ALDH1L1: variants seen among roughly 807,000 people sequenced by gnomAD.
ALDH1L1 encodes aldehyde dehydrogenase 1 family member L1.
A neutral mutation model predicts 101.1 loss-of-function variants in ALDH1L1; 68 were observed. The ratio of observed to expected loss-of-function variants is 0.67; its 90% CI spans 0.55 to 0.82. The LOEUF (loss-of-function observed/expected upper bound fraction) is 0.82, where lower values mean the gene tolerates loss of function less well. Among genes scored for constraint, ALDH1L1 ranks in the 40% least tolerant of loss-of-function variants. ALDH1L1 has a pLI of 0.00. For synonymous variants in ALDH1L1, 486 were observed against 470.8 expected (o/e 1.03, Z -0.42); for missense variants, 1,087 against 1,172.7 (o/e 0.93, Z 1.07).
chr3:126,176,070 A>T (rs7652469), intron 1 of ALDH1L1, among the ~76,000 whole-genome samples: 2,703 of 152,338 alleles, frequency 0.018, 83 homozygotes, highest in African/African-American at 0.062. Flanking sequence ...GAAATTTGAG[A>T]TTAAAAACAC....
At position 126,107,037 on chromosome 3, in the gene ALDH1L1, T is replaced by C. The variant is rs1945899944; in HGVS notation, c.2453+104A>G. The C allele has an allele frequency of 3.8e-6, 4 of 1,060,704 alleles. No individual in the cohort carries two copies. The Admixed American group carries it at 5.4e-5, about 14-fold the overall frequency. The allele number at this position is 1,060,704 out of a possible 1,614,324, so 65.7% of individuals were successfully genotyped here. ...TCCACGGCTTGCGCCCTGCCTGAGT[T>C]CTCCTCCTGACTGCCCGTAGACTAC... On this transcript the variant is annotated intron_variant, in intron 21 of 22. Transcript: ENST00000393434.
At chr3:126,132,939 C>T (rs2080345313) in intron 12 of ALDH1L1, among the ~76,000 whole-genome samples, 1 of 152,216 alleles carries the variant, frequency 6.6e-6, no homozygotes, top group South Asian at 2.1e-4. Context: ...GCGAGGCCAC[C>T]CTGGGCAAGG....
Position 126,115,348 on chromosome 3 carries a change from G to A in ALDH1L1, c.1983-692C>T, listed in dbSNP as rs573916668. 9.7e-5 allele frequency: 30 copies of A among 309,944 alleles called. No individual in the cohort carries two copies. In the East Asian group the frequency reaches 2.4e-3, roughly 25 times the overall value. 19.2% of individuals were successfully genotyped at this position (309,944 alleles called of 1,614,324 possible). A position where few individuals can be genotyped will look rare whatever the true frequency, so the allele number is the denominator to read the frequency against. ...TAGGAGGCTCCACTGGGGAGGAGAG[G>A]CCTCCTCTGCAGAAGCAACCCAGGG... On this transcript the variant is annotated intron_variant, in intron 17 of 22. Coordinates refer to ENST00000393434, the MANE Select transcript of ALDH1L1 (RefSeq NM_012190.4).
At chr3:126,119,574 G>A (rs2080039742) in intron 16 of ALDH1L1, among the ~76,000 whole-genome samples, 1 of 152,052 alleles carries the variant, frequency 6.6e-6, no homozygotes, top group Non-Finnish European at 1.5e-5. Context: ...GCCCAGGCAC[G>A]CCCATGAAGG....
rs540544091 is a variant in ALDH1L1 at position 126,116,924 on chromosome 3, G to A, written c.1982+1081C>T. On this transcript the variant is annotated intron_variant, in intron 17 of 22. Transcript: ENST00000393434. Reference sequence around the variant, plus strand: ...CAGTCAATTTGAGGCCAAAGTCCAAGGATGAAGACATGAGTTGACCTAGAT... The same window carrying A: ...CAGTCAATTTGAGGCCAAAGTCCAAAGATGAAGACATGAGTTGACCTAGAT... Among the ~76,000 whole-genome samples the A allele has an allele frequency of 2.6e-5, 4 of 152,298 alleles. No homozygotes were observed. The East Asian group carries it at 7.7e-4, about 29-fold the overall frequency.
chr3:126,161,675 T>C (rs1285705979), intron 1 of ALDH1L1, among the ~76,000 whole-genome samples: 1 of 152,244 alleles, frequency 6.6e-6, no homozygotes, highest in African/African-American at 2.4e-5. Flanking sequence ...GAACTATTAT[T>C]CACTTAATAC....
In ALDH1L1 at chr3:126,131,394, T is replaced by C. The variant is rs761101086; in HGVS notation, c.1613A>G (p.Asp538Gly). 11 of 1,603,300 alleles carry C rather than the reference T, an allele frequency of 6.9e-6. No homozygotes were observed. The highest frequency in any genetic ancestry group is 9.4e-6 in the Non-Finnish European group (11 of 1,171,372). The change falls in exon 13 of 23, where the codon GAC (aspartate) becomes GGC (glycine). Residue 538 changes from aspartate to glycine, a missense_variant. Around this residue, in one of 2 missense-constraint regions of ALDH1L1, gnomAD observed 442 missense variants for 535.7 expected, o/e 0.83. Coordinates refer to ENST00000393434, the MANE Select transcript of ALDH1L1 (RefSeq NM_012190.4). ...GAGCCTGGGCCCCACCTGGATCTTG[T>C]CACACCAGCCAGCAAAGTAGCGGAA... ...QTFRYFAGWC[D>G]KIQGSTIPIN...
upstream of ALDH1L1, chr3:126,180,965 C>T (rs1245667141): frequency 6.8e-6 from 11 of 1,610,912 alleles, no homozygotes; most frequent in South Asian, 7.7e-5. Context: ...CAAGTACCTG[C>T]CATGTGCTAC....
intron 1 of ALDH1L1, among the ~76,000 whole-genome samples, chr3:126,173,788 A>G (rs1327310040): frequency 6.6e-6 from 1 of 152,242 alleles, no homozygotes; most frequent in African/African-American, 2.4e-5. Flanking sequence ...TAATCAAAAG[A>G]AATATGGAGT....
intron 16 of ALDH1L1, among the ~76,000 whole-genome samples, chr3:126,118,349 G>A (rs557906943): frequency 3.9e-5 from 6 of 152,228 alleles, no homozygotes; most frequent in Non-Finnish European, 8.8e-5. Flanking sequence ...TTGGAGATGT[G>A]GCCTTTACAT....
intron 1 of ALDH1L1, among the ~76,000 whole-genome samples, chr3:126,175,552 A>T (rs542178505): frequency 9.9e-5 from 15 of 152,278 alleles, no homozygotes; most frequent in African/African-American, 2.6e-4. Flanking sequence ...ACATTTGAAA[A>T]TCAATTAATG....
At chr3:126,167,868 A>C (rs1183369748) in intron 1 of ALDH1L1, among the ~76,000 whole-genome samples, 1 of 152,164 alleles carries the variant, frequency 6.6e-6, no homozygotes, top group Non-Finnish European at 1.5e-5. Context: ...TATATTTCAG[A>C]GCTACTTCGC....
intron 5 of ALDH1L1, 123 bp downstream of exon 5, chr3:126,155,279 G>A (rs1220554348): frequency 3.7e-6 from 3 of 816,228 alleles, no homozygotes; most frequent in African/African-American, 3.5e-5. Context: ...GCTGCCCTGT[G>A]TTCTGGCCTC....
chr3:126,180,878 G>T, upstream of ALDH1L1: 1 of 1,578,734 alleles, frequency 6.3e-7, no homozygotes, highest in Non-Finnish European at 8.6e-7. Flanking sequence ...GCGCTGGCAA[G>T]GCTAAGTGGG....
In ALDH1L1 at chr3:126,103,715, T is replaced by C. The variant is rs1382231099; in HGVS notation, c.*76A>G. ...CTAGCCCCCCAGGTGGGAGGTGCTG[T>C]GCACCCAGGCTCAAGAGGGAGGGGG... On this transcript the variant is annotated 3_prime_UTR_variant, in exon 23 of 23. Coordinates refer to ENST00000393434, the MANE Select transcript of ALDH1L1 (RefSeq NM_012190.4). 10 of 1,507,978 alleles carry C rather than the reference T, an allele frequency of 6.6e-6. No individual in the cohort carries two copies. The highest frequency in any genetic ancestry group is 3.6e-6 in the Non-Finnish European group (4 of 1,096,864). The allele number at this position is 1,507,978 out of a possible 1,614,324, so 93.4% of individuals were successfully genotyped here.
At chr3:126,195,811 A>G (rs1043021934) in intron 1 of ALDH1L1, among the ~76,000 whole-genome samples, 4 of 152,244 alleles carry the variant, frequency 2.6e-5, no homozygotes, top group Non-Finnish European at 5.9e-5. Flanking sequence ...TGTCCTTTGT[A>G]GGGACATGGA....
At position 126,197,453 on chromosome 3, in the gene ALDH1L1, C is replaced by A. The variant is rs528404070; in HGVS notation, c.-24+282G>T. ...AAATTTTTAAAAGCCAAATTTTACA[C>A]CCCCTGCAATATTACCATTTATGAC... On this transcript the variant is annotated intron_variant, in intron 1 of 2. Transcript: ENST00000509952. Among the ~76,000 whole-genome samples the A allele has an allele frequency of 1.4e-3, 215 of 152,240 alleles. 1 individual carries two copies. The highest frequency in any genetic ancestry group is 0.012 in the South Asian group (58 of 4,814).
chr3:126,150,340 T>C (rs1018708791), intron 8 of ALDH1L1, 66 bp downstream of exon 8: 2 of 1,525,306 alleles, frequency 1.3e-6, no homozygotes, highest in Non-Finnish European at 1.8e-6. Context: ...GGGAGTGTGA[T>C]TTGCAGAACA....
At position 126,135,651 on chromosome 3, in the gene ALDH1L1, C is replaced by T. The variant is rs1179601477; in HGVS notation, c.1356G>A (p.Gln452=). The change falls in exon 12 of 23, where the codon CAG becomes CAA. Residue 452 remains glutamine (Q), a synonymous_variant. Coordinates refer to ENST00000393434, the MANE Select transcript of ALDH1L1 (RefSeq NM_012190.4). ...CGTCGGTGACTTGGGCCAGGGATAC[C>T]TGGCAGATGACCTATAGTGGAAGCA... ...INPTDGSVIC[Q]VSLAQVTDVD... 2 of 1,565,264 alleles carry T rather than the reference C, an allele frequency of 1.3e-6. No individual in the cohort carries two copies. Among genetic ancestry groups the T allele is most frequent in the Non-Finnish European group, 1.7e-6 (2 of 1,154,560 alleles).
Sources: allele counts gnomAD v4.1 joint callset (sites outside exome capture counted in the v4.1 genomes callset), GRCh38; gene constraint gnomAD v4.1.1; regional missense constraint gnomAD v4.1.1; transcripts MANE v1.5; gene names NCBI Gene and HGNC (gene_info 2026-07-23, HGNC 2026-07-21).